COLGALT1: variants seen among roughly 807,000 people sequenced by gnomAD.
The protein encoded by COLGALT1 is procollagen galactosyltransferase 1.
COLGALT1 carries 43 observed loss-of-function variants against 60.8 expected under a neutral mutation model. The ratio of observed to expected loss-of-function variants is 0.71; its 90% CI spans 0.55 to 0.91. The LOEUF (loss-of-function observed/expected upper bound fraction) is 0.91. Ranked by LOEUF, COLGALT1 falls within the 40% of genes least tolerant of loss-of-function variation. COLGALT1 has a pLI of 0.00. For synonymous variants in COLGALT1, 369 were observed against 374.2 expected (o/e 0.99, Z 0.16); for missense variants, 845 against 880.0 (o/e 0.96, Z 0.50).
chr19:17,574,640 T>C (rs1311814701), intron 6 of COLGALT1, among the ~76,000 whole-genome samples: 1 of 152,060 alleles, frequency 6.6e-6, no homozygotes, highest in Admixed American at 6.6e-5. Context: ...TGGGGGAGAC[T>C]TTTGAGTCTT....
Position 17,567,416 on chromosome 19 carries a change from C to T in COLGALT1, c.500C>T (p.Ala167Val), listed in dbSNP as rs149722085. Reference sequence around the variant, plus strand: ...TGGGGTGTTCTGCAGTTTGTAGATGCGGACAACCTGATCCTCAACCCTGAC... The same window carrying T: ...TGGGGTGTTCTGCAGTTTGTAGATGTGGACAACCTGATCCTCAACCCTGAC... ...MWADYILFVD[A>V]DNLILNPDTL... Residue 167 changes from alanine (A) to valine (V), a missense_variant, in exon 4 of 12, where the codon GCG becomes GTG. By Grantham distance (64) the Ala-to-Val change is moderately conservative. Transcript: ENST00000252599. 40 of 1,613,500 alleles carry T rather than the reference C, an allele frequency of 2.5e-5. No homozygotes were observed. The highest frequency in any genetic ancestry group is 1.7e-4 in the African/African-American group (13 of 74,888).
chr19:17,560,526 C>A, intron 3 of COLGALT1, 61 bp downstream of exon 3: 2 of 1,368,096 alleles, frequency 1.5e-6, no homozygotes, highest in Non-Finnish European at 2.1e-6. Flanking sequence ...CCAGGGAAGG[C>A]GGAGCAGCAG....
chr19:17,556,337 C>T (rs2144810877), intron 1 of COLGALT1, among the ~76,000 whole-genome samples: 1 of 152,354 alleles, frequency 6.6e-6, no homozygotes, highest in African/African-American at 2.4e-5. Context: ...CTAACTCCCT[C>T]TGGGGCACGT....
intron 3 of COLGALT1, among the ~76,000 whole-genome samples, chr19:17,562,376 C>T (rs2076254397): frequency 6.6e-6 from 1 of 152,040 alleles, no homozygotes; most frequent in Non-Finnish European, 1.5e-5. Context: ...TCAGAAGCCT[C>T]TGTGGACCAG....
intron 10 of COLGALT1, chr19:17,580,412 C>T (rs2076373119): frequency 2.0e-6 from 1 of 505,650 alleles, no homozygotes; most frequent in Non-Finnish European, 3.6e-6. Context: ...CCACTGTCCT[C>T]TGAACTCAGA....
Position 17,557,132 on chromosome 19 carries a change from A to G in COLGALT1, c.260+1159A>G, listed in dbSNP as rs971134516. On this transcript the variant is annotated intron_variant, in intron 1 of 11. Coordinates refer to ENST00000252599, the MANE Select transcript of COLGALT1 (RefSeq NM_024656.4). ...GGCACTACGGTCAAACTAAACTCCC[A>G]AATGTCGCTTTTCCTTCCACCTGAT... Among the ~76,000 whole-genome samples, 54 of 152,192 alleles carry G rather than the reference A, an allele frequency of 3.5e-4. 2 individuals carry two copies. The highest frequency in any genetic ancestry group is 1.3e-4 in the Admixed American group (2 of 15,260).
intron 3 of COLGALT1, among the ~76,000 whole-genome samples, chr19:17,561,124 G>A (rs1175402995): frequency 6.6e-6 from 1 of 151,202 alleles, no homozygotes; most frequent in Non-Finnish European, 1.5e-5. Flanking sequence ...AGGATTTCTT[G>A]AACCTAGGAG....
intron 6 of COLGALT1, among the ~76,000 whole-genome samples, chr19:17,575,466 C>T (rs530968752): frequency 5.3e-5 from 8 of 152,214 alleles, no homozygotes; most frequent in African/African-American, 1.9e-4. Flanking sequence ...TGGATGGCCT[C>T]GATCTCCTGA....
intron 3 of COLGALT1, among the ~76,000 whole-genome samples, chr19:17,563,677 G>C (rs2076262813): frequency 6.6e-6 from 1 of 151,948 alleles, no homozygotes; most frequent in South Asian, 2.1e-4. Flanking sequence ...TTTTTGTAGA[G>C]ACAGGGTTTC....
chr19:17,561,819 A>G (rs922136389), intron 3 of COLGALT1, among the ~76,000 whole-genome samples: 5 of 152,120 alleles, frequency 3.3e-5, no homozygotes, highest in Admixed American at 2.0e-4. Flanking sequence ...ACAGTTTTCT[A>G]TGATCAACCC....
At chr19:17,570,696 G>A (rs1229224853) in intron 5 of COLGALT1, among the ~76,000 whole-genome samples, 1 of 152,000 alleles carries the variant, frequency 6.6e-6, no homozygotes, top group Non-Finnish European at 1.5e-5. Context: ...CTCCCTAGTA[G>A]CTGGGACTAC....
At chr19:17,573,839 AG>A (rs2076326031) in intron 6 of COLGALT1, among the ~76,000 whole-genome samples, 2 of 150,758 alleles carry the variant, frequency 1.3e-5, no homozygotes, top group African/African-American at 4.9e-5. Flanking sequence ...AAAATTAGCC[AG>A]GCGTGATGGC....
intron 9 of COLGALT1, among the ~76,000 whole-genome samples, chr19:17,578,295 T>C (rs2076357525): frequency 6.6e-6 from 1 of 152,014 alleles, no homozygotes. Context: ...ATTGCGCAAA[T>C]GTGGAAACTG....
chr19:17,562,076 G>T (rs1427483042), intron 3 of COLGALT1, among the ~76,000 whole-genome samples: 1 of 152,102 alleles, frequency 6.6e-6, no homozygotes. Flanking sequence ...TCGCCATGTT[G>T]GCCAGGCTGG....
At chr19:17,556,075 TG>T in intron 1 of COLGALT1, 102 bp downstream of exon 1, 1 of 1,188,374 alleles carries the variant, frequency 8.4e-7, no homozygotes, top group African/African-American at 1.6e-5. Flanking sequence ...TGTCCTCTTC[TG>T]GGCGGGTCCG....
chr19:17,557,453 C>T lies in COLGALT1; in HGVS notation c.260+1480C>T, dbSNP rs139894122. On this transcript the variant is annotated intron_variant, in intron 1 of 11. Coordinates refer to ENST00000252599, the MANE Select transcript of COLGALT1 (RefSeq NM_024656.4). The stretch of plus-strand genomic sequence containing the variant: ...GTAGCTTGGGATTACAGGTGCGCAC[C>T]ACCATGCCTGGCTAATTTTTGTATT... 3.5e-4 allele frequency among the ~76,000 whole-genome samples: 53 copies of T among 151,976 alleles called. No individual in the cohort carries two copies. In the East Asian group the frequency reaches 8.7e-3, roughly 25 times the overall value.
intron 8 of COLGALT1, 51 bp from the exon 9 acceptor site, chr19:17,577,906 A>G (rs777300071): frequency 6.4e-7 from 1 of 1,565,088 alleles, no homozygotes; most frequent in Non-Finnish European, 8.7e-7. Context: ...GGGATGGCAG[A>G]ATGGCAGGCA....
chr19:17,579,185 A>T (rs962549826), intron 9 of COLGALT1, among the ~76,000 whole-genome samples: 4 of 151,956 alleles, frequency 2.6e-5, no homozygotes, highest in African/African-American at 9.7e-5. Context: ...AAAAAAAAGA[A>T]AAAGAAAAGA....
At chr19:17,568,370 A>G in intron 4 of COLGALT1, 139 bp from the exon 5 acceptor site, 6 of 720,828 alleles carry the variant, frequency 8.3e-6, no homozygotes, top group Non-Finnish European at 1.5e-5. Flanking sequence ...ACTGGGCTTG[A>G]GTCTGGGGTC....
Sources: allele counts gnomAD v4.1 joint callset (sites outside exome capture counted in the v4.1 genomes callset), GRCh38; gene constraint gnomAD v4.1.1; transcripts MANE v1.5; gene names NCBI Gene and HGNC (gene_info 2026-07-23, HGNC 2026-07-21).